PLD2: variants seen among roughly 807,000 people sequenced by gnomAD.
PLD2 encodes the protein phospholipase D2.
In PLD2, 101 loss-of-function variants were observed where a neutral mutation model predicts 119.8. The ratio of observed to expected loss-of-function variants is 0.84; its 90% CI spans 0.72 to 0.99. The LOEUF is 0.99. Among genes scored for constraint, PLD2 ranks in the 50% least tolerant of loss-of-function variants. The probability of loss-of-function intolerance (pLI) is 0.00; values close to 1 mark genes in which losing one functional copy is unlikely to be tolerated. For synonymous variants in PLD2, 494 were observed against 482.8 expected (o/e 1.02, Z -0.30); for missense variants, 1,164 against 1,226.8 (o/e 0.95, Z 0.76).
At chr17:4,815,970 C>A in intron 14 of PLD2, 36 bp downstream of exon 14, 1 of 1,415,810 alleles carries the variant, frequency 7.1e-7, no homozygotes, top group Non-Finnish European at 1.0e-6. Context: ...CACCCCCAAA[C>A]TCAGATAAGC....
intron 23 of PLD2, among the ~76,000 whole-genome samples, chr17:4,820,711 G>C (rs1034706334): frequency 2.0e-5 from 3 of 149,946 alleles, no homozygotes; most frequent in African/African-American, 7.4e-5. Flanking sequence ...CGAGTAGCTG[G>C]GACTACAGGC....
rs772804674 is a variant in PLD2, at chr17:4,810,841, G to T, written c.900G>T (p.Arg300=). Residue 300 remains arginine, a synonymous_variant, in exon 10 of 25, where the codon CGG becomes CGT. Transcript: ENST00000263088. ...ILKCSSYRQA[R]WWAQEITELA... is the part of the protein sequence containing the mutation. ...AGTGCAGCAGCTACCGGCAGGCACGGTGGTGGGCCCAAGAGATCACTGAGC... is the reference window on the plus strand; with the variant it reads ...AGTGCAGCAGCTACCGGCAGGCACGTTGGTGGGCCCAAGAGATCACTGAGC... The T allele has an allele frequency of 1.2e-6, 2 of 1,613,724 alleles. No individual in the cohort carries two copies. Among genetic ancestry groups the T allele is most frequent in the Admixed American group, 3.3e-5 (2 of 59,960 alleles).
chr17:4,808,090 C>A lies in PLD2; in HGVS notation c.216C>A (p.Thr72=). The A allele has an allele frequency of 1.2e-6, 2 of 1,611,500 alleles. No individual in the cohort carries two copies. The highest frequency in any genetic ancestry group is 1.1e-5 in the South Asian group (1 of 90,978). The part of the protein sequence containing the change: ...GVPVTAQVVG[T]ERYTSGSKVG... Reference sequence around the variant, plus strand: ...CTGTCACAGCCCAGGTGGTGGGCACCGAAAGATATACCAGCGGATCCAAGG... The same window carrying A: ...CTGTCACAGCCCAGGTGGTGGGCACAGAAAGATATACCAGCGGATCCAAGG... The change falls in exon 3 of 25, where the codon ACC becomes ACA. Residue 72 remains threonine, a synonymous_variant. Transcript: ENST00000263088. The surrounding 1 kb of genome is among the most constrained non-coding windows in gnomAD (Gnocchi z 4.1).
At chr17:4,813,743 C>G (rs1446652564) in intron 10 of PLD2, among the ~76,000 whole-genome samples, 1 of 152,146 alleles carries the variant, frequency 6.6e-6, no homozygotes, top group African/African-American at 2.4e-5. Context: ...CCTGTAATTT[C>G]AGTTACTTGG....
At position 4,808,194 on chromosome 17, in the gene PLD2, AG is replaced by A; in HGVS notation, c.241-76del. ...AAGGTGGCTGGGCTGGCCCCAGGGA[AG>A]GGGCAAAAGGAGGGCTGGCCAGAGT... On this transcript the variant is annotated intron_variant, in intron 3 of 24. Coordinates refer to ENST00000263088, the MANE Select transcript of PLD2 (RefSeq NM_002663.5). The surrounding 1 kb of genome is among the most constrained non-coding windows in gnomAD (Gnocchi z 4.1). 6.3e-7 allele frequency: 1 copy of A among 1,590,564 alleles called. No homozygotes were observed. The highest frequency in any genetic ancestry group is 8.6e-7 in the Non-Finnish European group (1 of 1,164,382).
At chr17:4,818,431 G>A (rs1011314806) in intron 19 of PLD2, 46 bp downstream of exon 19, 5 of 1,607,794 alleles carry the variant, frequency 3.1e-6, no homozygotes, top group South Asian at 2.2e-5. Flanking sequence ...TGTGGTTTGA[G>A]CCCGGTTGAA....
rs750641014 is a variant in PLD2, at chr17:4,816,671, C to T, written c.1507C>T (p.Gln503Ter). Reference sequence around the variant, plus strand: ...AGCCACCCCAGACCTCTCTCACAACCAATTCTTCTGGCTGGGCAAGGACTA... The same window carrying T: ...AGCCACCCCAGACCTCTCTCACAACTAATTCTTCTGGCTGGGCAAGGACTA... ...SPATPDLSHN[Q>*]FFWLGKDYSN... The change falls in exon 15 of 25, where the codon CAA becomes TAA. Residue 503 changes from glutamine (Q) to a stop codon, truncating the protein, a stop_gained. Transcript: ENST00000263088. LOFTEE classifies it high-confidence loss of function. 1 of 1,614,160 alleles carries T rather than the reference C, an allele frequency of 6.2e-7. No individual in the cohort carries two copies. Among genetic ancestry groups the T allele is most frequent in the Non-Finnish European group, 8.5e-7 (1 of 1,180,026 alleles).
chr17:4,818,569 T>C lies in PLD2; in HGVS notation c.2085T>C (p.Gly695=), dbSNP rs1202801715. The change falls in exon 20 of 25, where the codon GGT becomes GGC. Residue 695 remains glycine (G), a synonymous_variant. Coordinates refer to ENST00000263088, the MANE Select transcript of PLD2 (RefSeq NM_002663.5). ...PGFEGDISTG[G]GNSIQAILHF... is the part of the protein sequence containing the mutation. ...TCGAGGGTGACATCTCCACGGGCGG[T>C]GGCAACTCCATCCAGGCCATTCTGC... The C allele has an allele frequency of 6.2e-7, 1 of 1,613,904 alleles. No individual in the cohort carries two copies. The highest frequency in any genetic ancestry group is 8.5e-7 in the Non-Finnish European group (1 of 1,179,912).
chr17:4,821,961 C>A, intron 24 of PLD2, 54 bp downstream of exon 24: 1 of 1,150,088 alleles, frequency 8.7e-7, no homozygotes, highest in Non-Finnish European at 1.3e-6. Context: ...TGTGGATTAT[C>A]CTGCTCAGGG....
intron 10 of PLD2, among the ~76,000 whole-genome samples, chr17:4,813,876 A>G (rs984128291): frequency 6.6e-6 from 1 of 152,052 alleles, no homozygotes; most frequent in African/African-American, 2.4e-5. Flanking sequence ...CTATATATAT[A>G]TTTTTTGATA....
In PLD2 at chr17:4,819,549, G is replaced by C. The variant is rs781198740; in HGVS notation, c.2429G>C (p.Arg810Thr). 1.9e-6 allele frequency: 3 copies of C among 1,613,524 alleles called. No individual in the cohort carries two copies. Among genetic ancestry groups the C allele is most frequent in the Non-Finnish European group, 2.5e-6 (3 of 1,179,724 alleles). Residue 810 changes from arginine to threonine, a missense_variant, in exon 23 of 25, where the codon AGG becomes ACG. By Grantham distance (71) the Arg-to-Thr change is moderately conservative. Coordinates refer to ENST00000263088, the MANE Select transcript of PLD2 (RefSeq NM_002663.5). This position sits in a 1 kb window ranked among gnomAD's most constrained non-coding sequence, Gnocchi z 4.2. ...AATGGGGCAGAGTATCAGGCGGGCA[G>C]GTTTGCCTTGAGTCTGCGGAAGCAC... ...LMNGAEYQAG[R>T]FALSLRKHCF...
At chr17:4,815,740 A>C (rs1261049934) in intron 13 of PLD2, 24 bp from the exon 14 acceptor site, 4 of 1,612,246 alleles carry the variant, frequency 2.5e-6, no homozygotes, top group Non-Finnish European at 3.4e-6. Context: ...ACCCACCCTC[A>C]TGAACCCTCC....
rs1376965374 is a variant in PLD2 at position 4,819,560 on chromosome 17, A to C, written c.2440A>C (p.Ser814Arg). ...GTATCAGGCGGGCAGGTTTGCCTTG[A>C]GTCTGCGGAAGCACTGCTTCGGGTA... Reference protein sequence around the residue: ...AEYQAGRFALSLRKHCFGVIL... With the variant: ...AEYQAGRFALRLRKHCFGVIL... The change falls in exon 23 of 25, where the codon AGT (serine) becomes CGT (arginine). Residue 814 changes from serine (S) to arginine (R), a missense_variant. Transcript: ENST00000263088. This position sits in a 1 kb window ranked among gnomAD's most constrained non-coding sequence, Gnocchi z 4.2. 6.2e-7 allele frequency: 1 copy of C among 1,612,528 alleles called. No homozygotes were observed. The highest frequency in any genetic ancestry group is 1.1e-5 in the South Asian group (1 of 90,852).
intron 23 of PLD2, among the ~76,000 whole-genome samples, chr17:4,821,455 G>T (rs922730251): frequency 6.6e-6 from 1 of 151,802 alleles, no homozygotes; most frequent in Admixed American, 6.6e-5. Flanking sequence ...GTTCAGTGGC[G>T]TTACCACGGC....
intron 8 of PLD2, 21 bp downstream of exon 8, chr17:4,809,804 G>A (rs1447024313): frequency 1.2e-6 from 2 of 1,614,128 alleles, no homozygotes; most frequent in Non-Finnish European, 1.7e-6. Context: ...TGGCCAAGCA[G>A]CTGGGCAGTG....
intron 23 of PLD2, among the ~76,000 whole-genome samples, chr17:4,820,330 C>T (rs1440150230): frequency 1.3e-5 from 2 of 150,838 alleles, no homozygotes; most frequent in Non-Finnish European, 3.0e-5. Context: ...TGCAATGGCA[C>T]GATCCTGGCT....
chr17:4,818,510 C>A lies in PLD2; in HGVS notation c.2026C>A (p.Arg676=). ...LKAHKQGWCY[R]VYVLLPLLPG... is the part of the protein sequence containing the mutation. ...CCTCCCCAGACAGGGGTGGTGTTAC[C>A]GAGTCTACGTGCTTTTGCCCTTACT... Residue 676 remains arginine (R), a synonymous_variant, in exon 20 of 25, where the codon CGA becomes AGA. Transcript: ENST00000263088. 6.2e-7 allele frequency: 1 copy of A among 1,613,666 alleles called. No homozygotes were observed. The highest frequency in any genetic ancestry group is 8.5e-7 in the Non-Finnish European group (1 of 1,179,682).
At chr17:4,811,401 C>T (rs1295354054) in intron 10 of PLD2, among the ~76,000 whole-genome samples, 1 of 150,892 alleles carries the variant, frequency 6.6e-6, no homozygotes. Flanking sequence ...CTCAGCCTCC[C>T]GAGTAGCCGG....
Position 4,822,639 on chromosome 17 carries a change from G to C in PLD2, c.2578-1G>C. The C allele has an allele frequency of 6.2e-7, 1 of 1,602,378 alleles. No homozygotes were observed. Among genetic ancestry groups the C allele is most frequent in the Non-Finnish European group, 8.5e-7 (1 of 1,172,054 alleles). On this transcript the variant is annotated splice_acceptor_variant, in intron 24 of 24. Transcript: ENST00000263088. LOFTEE classifies it high-confidence loss of function. ...ACTGGCGTCCATGCCCCCGCCCACA[G>C]ATCTTCCGCTGCCTGCCATCCAATG...
Sources: gnomAD v4.1 joint callset for allele counts (sites outside exome capture counted in the v4.1 genomes callset) on GRCh38, gnomAD v4.1.1 for gene constraint, Gnocchi (gnomAD v3.1) non-coding constraint, MANE v1.5 for transcripts, NCBI Gene and HGNC (gene_info 2026-07-23, HGNC 2026-07-21) for gene names.